CPAP: variants seen among roughly 807,000 people sequenced by gnomAD.
CPAP encodes centrosomal P4.1-associated protein.
the CPAP span, among the ~76,000 whole-genome samples, chr13:24,897,313 C>CA: frequency 4.6e-5 from 7 of 152,320 alleles, no homozygotes; most frequent in African/African-American, 1.7e-4. Flanking sequence ...TATCAATGTA[C>CA]ATACCTTTAA....
chr13:24,892,654 C>T, the CPAP span: 1 of 1,614,036 alleles, frequency 6.2e-7, no homozygotes, highest in Non-Finnish European at 8.5e-7. Context: ...GCAAGCTTGT[C>T]CTTCTTCTCC....
chr13:24,915,194 T>C, the CPAP span, among the ~76,000 whole-genome samples: 87 of 152,276 alleles, frequency 5.7e-4, no homozygotes, highest in East Asian at 0.016. Flanking sequence ...CAGAGATCAA[T>C]AGGATCTTCT....
the CPAP span, among the ~76,000 whole-genome samples, chr13:24,898,316 A>G: frequency 6.6e-6 from 1 of 152,234 alleles, no homozygotes; most frequent in Admixed American, 6.5e-5. Flanking sequence ...AAAAAAGAGT[A>G]CAGCGGGGAG....
the CPAP span, chr13:24,886,162 T>C: frequency 1.4e-5 from 7 of 495,192 alleles, no homozygotes; most frequent in East Asian, 2.1e-4. Context: ...GAGGTGAATC[T>C]CTCTCTAAAA....
the CPAP span, chr13:24,906,394 CTCTT>C: frequency 1.9e-6 from 3 of 1,612,806 alleles, no homozygotes; most frequent in Non-Finnish European, 2.5e-6. Flanking sequence ...AAGATTCAGA[CTCTT>C]TCATGGTCTC....
At chr13:24,889,815 G>A in the CPAP span, among the ~76,000 whole-genome samples, 744 of 152,022 alleles carry the variant, frequency 4.9e-3, 8 homozygotes, top group African/African-American at 0.017. Flanking sequence ...CTCCCCATGA[G>A]GATGAGGTGG....
the CPAP span, chr13:24,909,968 T>C: frequency 6.2e-7 from 1 of 1,614,222 alleles, no homozygotes; most frequent in East Asian, 2.2e-5. Context: ...GGTATGTTTC[T>C]TCCTGGGTTG....
chr13:24,883,912 TG>T, the CPAP span: 1 of 1,612,422 alleles, frequency 6.2e-7, no homozygotes, highest in Non-Finnish European at 8.5e-7. Flanking sequence ...TGAGCACAGA[TG>T]AACAGGTGTC....
chr13:24,895,079 G>A, the CPAP span, among the ~76,000 whole-genome samples: 1 of 152,244 alleles, frequency 6.6e-6, no homozygotes, highest in Non-Finnish European at 1.5e-5. Context: ...CGGCTGCCAG[G>A]TCCCGGTGAG....
the CPAP span, chr13:24,910,011 G>A: frequency 6.2e-7 from 1 of 1,614,070 alleles, no homozygotes; most frequent in South Asian, 1.1e-5. Context: ...GAAGCAGCAT[G>A]TGGCTCTCTC....
chr13:24,894,730 G>A, the CPAP span, among the ~76,000 whole-genome samples: 2 of 152,188 alleles, frequency 1.3e-5, no homozygotes, highest in African/African-American at 4.8e-5. Context: ...GGAGGCGGAG[G>A]GTGGGCTCCG....
the CPAP span, chr13:24,883,125 T>C: frequency 6.8e-7 from 1 of 1,461,150 alleles, no homozygotes; most frequent in Non-Finnish European, 9.6e-7. Flanking sequence ...TAAATGTACA[T>C]TTTTTAACAT....
the CPAP span, chr13:24,883,924 A>G: frequency 6.2e-7 from 1 of 1,613,602 alleles, no homozygotes; most frequent in South Asian, 1.1e-5. Flanking sequence ...AACAGGTGTC[A>G]CACTGAGTGG....
the CPAP span, among the ~76,000 whole-genome samples, chr13:24,902,104 G>A: frequency 1.4e-3 from 210 of 152,274 alleles, no homozygotes; most frequent in Non-Finnish European, 2.5e-3. Context: ...ACTGACTAAG[G>A]AGGTAAACTT....
chr13:24,896,354 G>C, the CPAP span, among the ~76,000 whole-genome samples: 2 of 152,250 alleles, frequency 1.3e-5, no homozygotes, highest in African/African-American at 4.8e-5. Flanking sequence ...GCACAGCCCA[G>C]AGCTGCCAGC....
At chr13:24,931,387 C>T in the CPAP span, among the ~76,000 whole-genome samples, 2 of 136,122 alleles carry the variant, frequency 1.5e-5, no homozygotes, top group African/African-American at 5.6e-5. Context: ...ACTCTGGAAA[C>T]CAGAGTCTCT....
At chr13:24,896,761 TA>T in the CPAP span, among the ~76,000 whole-genome samples, 1 of 152,248 alleles carries the variant, frequency 6.6e-6, no homozygotes, top group African/African-American at 2.4e-5. Context: ...GGAGGTTATT[TA>T]TTTTTTCCCT....
the CPAP span, among the ~76,000 whole-genome samples, chr13:24,926,863 C>T: frequency 6.6e-6 from 1 of 152,178 alleles, no homozygotes; most frequent in Non-Finnish European, 1.5e-5. Flanking sequence ...GCTAGCCCAT[C>T]TACAAAAGGA....
chr13:24,885,799 A>G, the CPAP span: 5 of 713,886 alleles, frequency 7.0e-6, no homozygotes, highest in Non-Finnish European at 1.2e-5. Flanking sequence ...GGATGTCTTA[A>G]TATTTTTCTT....
Sources: gnomAD v4.1 joint callset for allele counts (sites outside exome capture counted in the v4.1 genomes callset) on GRCh38, gnomAD v4.1.1 for gene constraint, MANE v1.5 for transcripts, NCBI Gene and HGNC (gene_info 2026-07-23, HGNC 2026-07-21) for gene names.